Variants in NKAIN2 observed in about 807,000 individuals in gnomAD.
The protein encoded by NKAIN2 is sodium/potassium-transporting ATPase subunit beta-1-interacting protein 2.
A neutral mutation model predicts 32.6 loss-of-function variants in NKAIN2; 14 were observed. The observed-to-expected ratio is 0.43, with a 90% CI of 0.28 to 0.67. NKAIN2 has a LOEUF of 0.67. Among genes scored for constraint, NKAIN2 ranks in the 30% least tolerant of loss-of-function variants. NKAIN2 has a pLI of 0.17. For missense variants in NKAIN2, 198 were observed against 258.3 expected (o/e 0.77, Z 1.60); for synonymous variants, 80 against 87.2 (o/e 0.92, Z 0.46).
intron 1 of NKAIN2, among the ~76,000 whole-genome samples, chr6:124,203,201 A>T (rs906094485): frequency 3.3e-5 from 5 of 151,848 alleles, no homozygotes; most frequent in African/African-American, 9.7e-5. Context: ...GTTGAGGGGG[A>T]TCACACATGG....
Position 124,696,482 on chromosome 6 carries a change from G to A in NKAIN2, c.474+38096G>A, listed in dbSNP as rs185351321. ...AGCCACCTCCCATGCCCTGAGACCTGCGGGATTGAAAATAGGCCTCCAGAT... is the reference window on the plus strand; with the variant it reads ...AGCCACCTCCCATGCCCTGAGACCTACGGGATTGAAAATAGGCCTCCAGAT... On this transcript the variant is annotated intron_variant, in intron 4 of 6. Coordinates refer to ENST00000368417, the MANE Select transcript of NKAIN2 (RefSeq NM_001040214.3). Among the ~76,000 whole-genome samples, 111 of 152,188 alleles carry A rather than the reference G, an allele frequency of 7.3e-4. 1 individual carries two copies. Among genetic ancestry groups the A allele is most frequent in the Admixed American group, 3.4e-3 (52 of 15,288 alleles).
chr6:124,255,267 G>T (rs554992056), intron 1 of NKAIN2, among the ~76,000 whole-genome samples: 1 of 152,298 alleles, frequency 6.6e-6, no homozygotes, highest in East Asian at 1.9e-4. Context: ...TTGTATTTAT[G>T]ACAGCCATTT....
chr6:124,271,016 T>C (rs1441261205), intron 1 of NKAIN2, among the ~76,000 whole-genome samples: 1 of 152,204 alleles, frequency 6.6e-6, no homozygotes, highest in Non-Finnish European at 1.5e-5. Flanking sequence ...GATTGGATCC[T>C]GGGAGTGGTT....
At chr6:124,118,237 G>A (rs1282222103) in intron 1 of NKAIN2, among the ~76,000 whole-genome samples, 1 of 151,994 alleles carries the variant, frequency 6.6e-6, no homozygotes, top group Non-Finnish European at 1.5e-5. Flanking sequence ...TTAAAAAGAG[G>A]AGGTATGGCT....
At chr6:124,296,238 T>G (rs925114938) in intron 2 of NKAIN2, among the ~76,000 whole-genome samples, 1 of 152,038 alleles carries the variant, frequency 6.6e-6, no homozygotes, top group Non-Finnish European at 1.5e-5. Flanking sequence ...TGAGTTATAA[T>G]AGGATATGTA....
chr6:124,640,066 C>G (rs141747721), intron 3 of NKAIN2, among the ~76,000 whole-genome samples: 109 of 152,230 alleles, frequency 7.2e-4, no homozygotes, highest in African/African-American at 2.5e-3. Flanking sequence ...AAATATCACT[C>G]TGTATCCTAT....
intron 1 of NKAIN2, among the ~76,000 whole-genome samples, chr6:124,065,423 A>G (rs902293616): frequency 1.3e-5 from 2 of 152,136 alleles, no homozygotes; most frequent in African/African-American, 4.8e-5. Flanking sequence ...AAACTTATTG[A>G]TAGTATTAGA....
chr6:124,261,505 G>C lies in NKAIN2; in HGVS notation c.55-21500G>C, dbSNP rs184351785. Among the ~76,000 whole-genome samples, 5 of 152,318 alleles carry C rather than the reference G, an allele frequency of 3.3e-5. No individual in the cohort carries two copies. In the East Asian group the frequency reaches 9.6e-4, roughly 29 times the overall value. ...CCTAGGTGACTGTCATAGTCATTGAGATGTAGTTGAACTGTAGCTGTTAAA... is the reference window on the plus strand; with the variant it reads ...CCTAGGTGACTGTCATAGTCATTGACATGTAGTTGAACTGTAGCTGTTAAA... On this transcript the variant is annotated intron_variant, in intron 1 of 6. Coordinates refer to ENST00000368417, the MANE Select transcript of NKAIN2 (RefSeq NM_001040214.3).
intron 1 of NKAIN2, among the ~76,000 whole-genome samples, chr6:124,245,371 T>G: frequency 6.6e-6 from 1 of 152,108 alleles, no homozygotes; most frequent in Non-Finnish European, 1.5e-5. Context: ...TTTATGCCAA[T>G]TCCATAATTT....
intron 3 of NKAIN2, among the ~76,000 whole-genome samples, chr6:124,454,114 G>T (rs911564607): frequency 6.9e-6 from 1 of 145,276 alleles, no homozygotes; most frequent in African/African-American, 2.5e-5. Context: ...TTTGGGGGGG[G>T]GGGTTGCTGG....
intron 1 of NKAIN2, among the ~76,000 whole-genome samples, chr6:124,116,041 C>G (rs1237322403): frequency 6.6e-6 from 1 of 151,968 alleles, no homozygotes; most frequent in Admixed American, 6.6e-5. Context: ...TAGAAGATAG[C>G]TAATGCCTTC....
chr6:123,856,269 G>A (rs947050645), intron 1 of NKAIN2, among the ~76,000 whole-genome samples: 1 of 152,070 alleles, frequency 6.6e-6, no homozygotes, highest in Non-Finnish European at 1.5e-5. Context: ...CAACATTATG[G>A]ATATGTTAAG....
In NKAIN2 at chr6:123,804,124, C is replaced by G. The variant is rs192356647; in HGVS notation, c.-77C>G. On this transcript the variant is annotated 5_prime_UTR_variant, in exon 1 of 7. Transcript: ENST00000368417. Reference sequence around the variant, plus strand: ...CGGCAGGTTTGCGTGTCCTTCCCCGCGATCTGATTGGATAAAGTGGGGGCT... The same window carrying G: ...CGGCAGGTTTGCGTGTCCTTCCCCGGGATCTGATTGGATAAAGTGGGGGCT... The G allele has an allele frequency of 6.5e-5, 88 of 1,361,114 alleles. No individual in the cohort carries two copies. In the African/African-American group the frequency reaches 1.2e-3, roughly 18 times the overall value. 84.3% of individuals were successfully genotyped at this position (1,361,114 alleles called of 1,614,324 possible). A position where few individuals can be genotyped will look rare whatever the true frequency, so the allele number is the denominator to read the frequency against.
rs952673719 is a variant in NKAIN2, at chr6:123,964,492, G to A, written c.54+160238G>A. Among the ~76,000 whole-genome samples, 2 of 152,128 alleles carry A rather than the reference G, an allele frequency of 1.3e-5. No individual in the cohort carries two copies. The highest frequency in any genetic ancestry group is 3.9e-4 in the East Asian group (2 of 5,192). On this transcript the variant is annotated intron_variant, in intron 1 of 6. Transcript: ENST00000368417. The surrounding 1 kb of genome is among the most constrained non-coding windows in gnomAD (Gnocchi z 4.0). ...TTCCCTTAAAAGTGGTCTCTGCTAT[G>A]CAAACTAAGTTCCTTCTCATCTCTA...
intron 1 of NKAIN2, among the ~76,000 whole-genome samples, chr6:124,128,966 T>G (rs2115002128): frequency 6.6e-6 from 1 of 152,304 alleles, no homozygotes; most frequent in East Asian, 1.9e-4. Flanking sequence ...TGGTTGTTTC[T>G]GATACACGAG....
chr6:124,791,309 G>A, intron 4 of NKAIN2, 30 bp from the exon 5 acceptor site: 2 of 1,583,446 alleles, frequency 1.3e-6, no homozygotes, highest in South Asian at 1.1e-5. Context: ...GCCTTTTTCT[G>A]ATGTCTAAAG....
At chr6:123,886,599 A>C (rs1773724863) in intron 1 of NKAIN2, among the ~76,000 whole-genome samples, 1 of 152,168 alleles carries the variant, frequency 6.6e-6, no homozygotes. Flanking sequence ...TAAACAAAGA[A>C]GTGAATGCTA....
intron 1 of NKAIN2, among the ~76,000 whole-genome samples, chr6:123,936,524 A>G (rs1236379983): frequency 6.6e-6 from 1 of 152,140 alleles, no homozygotes; most frequent in Non-Finnish European, 1.5e-5. Flanking sequence ...TAAAATGCCG[A>G]CAGGCATAAA....
intron 4 of NKAIN2, among the ~76,000 whole-genome samples, chr6:124,778,484 T>A (rs1283038835): frequency 6.6e-6 from 1 of 152,050 alleles, no homozygotes; most frequent in East Asian, 1.9e-4. Context: ...TGTTGTATTC[T>A]CCTTGATATT....
Sources: gnomAD v4.1 joint callset for allele counts (sites outside exome capture counted in the v4.1 genomes callset) on GRCh38, gnomAD v4.1.1 for gene constraint, Gnocchi (gnomAD v3.1) non-coding constraint, MANE v1.5 for transcripts, NCBI Gene and HGNC (gene_info 2026-07-23, HGNC 2026-07-21) for gene names.